The following PLGRKT variants were observed in gnomAD, a reference collection of about 807,000 sequenced individuals.
PLGRKT encodes the protein plasminogen receptor with a C-terminal lysine.
In PLGRKT, 22 loss-of-function variants were observed where a neutral mutation model predicts 18.5. That is an observed-to-expected ratio of 1.19 (90% confidence interval 0.85 to 1.70). The LOEUF (loss-of-function observed/expected upper bound fraction) is 1.70, where lower values mean the gene tolerates loss of function less well. PLGRKT is among the 40% of genes most tolerant of loss of function. PLGRKT has a pLI of 0.00. For synonymous variants in PLGRKT, 72 were observed against 52.8 expected, an observed-to-expected ratio of 1.36 and a Z score of -1.58; for missense variants, 235 against 174.4, an observed-to-expected ratio of 1.35 and a Z score of -1.96.
intron 3 of PLGRKT, among the ~76,000 whole-genome samples, chr9:5,417,330 C>A (rs892059351): frequency 6.6e-6 from 1 of 152,030 alleles, no homozygotes; most frequent in Non-Finnish European, 1.5e-5. Context: ...TATCCACACG[C>A]AAAAGAGTAA....
At chr9:5,416,921 T>C (rs1818472931) in intron 3 of PLGRKT, among the ~76,000 whole-genome samples, 1 of 152,244 alleles carries the variant, frequency 6.6e-6, no homozygotes, top group Non-Finnish European at 1.5e-5. Flanking sequence ...ATAGGAAATA[T>C]TAAAAGTATT....
At chr9:5,424,485 AAT>A (rs1180193350) in intron 3 of PLGRKT, among the ~76,000 whole-genome samples, 1 of 126,998 alleles carries the variant, frequency 7.9e-6, no homozygotes, top group East Asian at 2.0e-4. Flanking sequence ...TATAAAATAT[AAT>A]ATATATTATT....
intron 3 of PLGRKT, among the ~76,000 whole-genome samples, chr9:5,429,926 C>A (rs1471389376): frequency 1.3e-5 from 2 of 152,182 alleles, no homozygotes; most frequent in Non-Finnish European, 1.5e-5. Flanking sequence ...AACCAGGACA[C>A]AACAACTACG....
rs529473182 is a variant in PLGRKT at position 5,358,642 on chromosome 9, A to C, written c.323-282T>G. ...TAATTTTTTCCCTTGAACCAAAGTCAGGATTCGTATTAATTCTGTTTGGAG... is the reference window on the plus strand; with the variant it reads ...TAATTTTTTCCCTTGAACCAAAGTCCGGATTCGTATTAATTCTGTTTGGAG... On this transcript the variant is annotated intron_variant, in intron 5 of 5. Transcript: ENST00000223864. 3.6e-4 allele frequency among the ~76,000 whole-genome samples: 55 copies of C among 152,358 alleles called. 1 individual carries two copies. In the South Asian group the frequency reaches 7.0e-3, roughly 20 times the overall value.
At chr9:5,382,689 C>A (rs1817769974) in intron 3 of PLGRKT, among the ~76,000 whole-genome samples, 1 of 152,178 alleles carries the variant, frequency 6.6e-6, no homozygotes, top group Non-Finnish European at 1.5e-5. Context: ...ATCAGATTTG[C>A]ATTTTAAATG....
chr9:5,420,101 T>A (rs1050470770), intron 3 of PLGRKT, among the ~76,000 whole-genome samples: 19 of 152,316 alleles, frequency 1.2e-4, no homozygotes, highest in African/African-American at 4.6e-4. Context: ...AAGGTTATGT[T>A]AATTGGAGGA....
rs551791393 is a variant in PLGRKT, at chr9:5,389,427, C to T, written c.82-27539G>A. Among the ~76,000 whole-genome samples the T allele has an allele frequency of 6.1e-4, 92 of 151,926 alleles. 2 individuals are homozygous for T. Among genetic ancestry groups the T allele is most frequent in the African/African-American group, 1.6e-3 (65 of 41,264 alleles). ...GTTTATGTTCTGCAGGAGAACATGA[C>T]GGTCTAGCTGATAGTGCCAGGTCAG... On this transcript the variant is annotated intron_variant, in intron 3 of 5. Coordinates refer to ENST00000223864, the MANE Select transcript of PLGRKT (RefSeq NM_018465.4).
intron 3 of PLGRKT, among the ~76,000 whole-genome samples, chr9:5,396,254 C>T (rs985050041): frequency 2.0e-5 from 3 of 151,698 alleles, no homozygotes; most frequent in Non-Finnish European, 4.4e-5. Flanking sequence ...GGATTTTGGA[C>T]ACTAACAAGA....
chr9:5,434,950 A>C (rs375596734), intron 2 of PLGRKT, among the ~76,000 whole-genome samples: 1 of 152,216 alleles, frequency 6.6e-6, no homozygotes, highest in East Asian at 1.9e-4. Context: ...TAGACATAGG[A>C]GACTCCATTT....
At chr9:5,388,180 C>A (rs1440188137) in intron 3 of PLGRKT, among the ~76,000 whole-genome samples, 2 of 151,774 alleles carry the variant, frequency 1.3e-5, no homozygotes, top group Non-Finnish European at 2.9e-5. Context: ...CACAGCCACT[C>A]CAGGAATGTG....
chr9:5,424,666 TTTTATATA>T (rs1289357318), intron 3 of PLGRKT, among the ~76,000 whole-genome samples: 2 of 103,242 alleles, frequency 1.9e-5, no homozygotes, highest in African/African-American at 9.5e-5. Context: ...TAATTATATA[TTTTATATA>T]TATATATATA....
At chr9:5,399,440 C>A (rs1456315969) in intron 3 of PLGRKT, among the ~76,000 whole-genome samples, 2 of 151,904 alleles carry the variant, frequency 1.3e-5, no homozygotes, top group Admixed American at 6.5e-5. Flanking sequence ...GCTCAATAGG[C>A]AGATTTTTTT....
chr9:5,361,476 A>T lies in PLGRKT; in HGVS notation c.212+282T>A, dbSNP rs147340551. On this transcript the variant is annotated intron_variant, in intron 4 of 5. Transcript: ENST00000223864. Reference sequence around the variant, plus strand: ...AAGGATTGGTATCTACCACTAAGGGATTGTGGAGATAAACACATAGAGCCC... The same window carrying T: ...AAGGATTGGTATCTACCACTAAGGGTTTGTGGAGATAAACACATAGAGCCC... 7.3e-3 allele frequency among the ~76,000 whole-genome samples: 1,115 copies of T among 152,244 alleles called. 14 individuals are homozygous for T. Among genetic ancestry groups the T allele is most frequent in the African/African-American group, 0.026 (1,070 of 41,550 alleles).
rs1002166118 is a variant in PLGRKT, at chr9:5,358,839, T to C, written c.323-479A>G. Among the ~76,000 whole-genome samples, 19 of 152,218 alleles carry C rather than the reference T, an allele frequency of 1.2e-4. 1 individual carries two copies. Among genetic ancestry groups the C allele is most frequent in the Admixed American group, 5.2e-4 (8 of 15,272 alleles). On this transcript the variant is annotated intron_variant, in intron 5 of 5. Coordinates refer to ENST00000223864, the MANE Select transcript of PLGRKT (RefSeq NM_018465.4). ...TTAAATGTTCTTCAGTCTGTATACA[T>C]ACAAATATACATATATACACATCTT...
At chr9:5,372,794 C>T (rs1461926645) in intron 3 of PLGRKT, among the ~76,000 whole-genome samples, 2 of 152,178 alleles carry the variant, frequency 1.3e-5, no homozygotes, top group Non-Finnish European at 2.9e-5. Flanking sequence ...TTCTCTGTGG[C>T]TTTCTAGCCT....
intron 2 of PLGRKT, among the ~76,000 whole-genome samples, chr9:5,435,759 T>C (rs1229868970): frequency 6.6e-6 from 1 of 152,228 alleles, no homozygotes; most frequent in Non-Finnish European, 1.5e-5. Context: ...TCAACAATGT[T>C]GCTGATACCT....
At chr9:5,369,408 T>A (rs186821833) in intron 3 of PLGRKT, among the ~76,000 whole-genome samples, 273 of 152,260 alleles carry the variant, frequency 1.8e-3, no homozygotes, top group Non-Finnish European at 3.2e-3. Flanking sequence ...TCATGCCAGT[T>A]AGAACGGTGA....
At chr9:5,388,674 G>C (rs1178697883) in intron 3 of PLGRKT, among the ~76,000 whole-genome samples, 1 of 152,032 alleles carries the variant, frequency 6.6e-6, no homozygotes, top group Non-Finnish European at 1.5e-5. Context: ...AGGTCATGGA[G>C]AAATGAAGTG....
At position 5,374,823 on chromosome 9, in the gene PLGRKT, T is replaced by C. The variant is rs192648723; in HGVS notation, c.82-12935A>G. 5.3e-5 allele frequency among the ~76,000 whole-genome samples: 8 copies of C among 152,302 alleles called. No individual in the cohort carries two copies. The South Asian group carries it at 1.4e-3, about 28-fold the overall frequency. On this transcript the variant is annotated intron_variant, in intron 3 of 5. Transcript: ENST00000223864. ...TTCCAACATTCATATTCCTATATGATCACAAAAATAACATAGCATCTCATT... is the reference window on the plus strand; with the variant it reads ...TTCCAACATTCATATTCCTATATGACCACAAAAATAACATAGCATCTCATT...
Sources: gnomAD v4.1 joint callset for allele counts (sites outside exome capture counted in the v4.1 genomes callset) on GRCh38, gnomAD v4.1.1 for gene constraint, MANE v1.5 for transcripts, NCBI Gene and HGNC (gene_info 2026-07-23, HGNC 2026-07-21) for gene names.